The following TRIM44 variants were observed in gnomAD, a reference collection of about 807,000 sequenced individuals.
TRIM44 encodes the protein tripartite motif-containing protein 44.
Under a neutral mutation model 37.4 loss-of-function variants are expected in TRIM44, and 13 were observed. The observed-to-expected ratio is 0.35, with a 90% CI of 0.23 to 0.55. The LOEUF is 0.55. Among genes scored for constraint, TRIM44 ranks in the 20% least tolerant of loss-of-function variants. The pLI, the probability that TRIM44 is intolerant of heterozygous loss-of-function variation, is 0.89. For missense variants in TRIM44, 426 were observed against 437.2 expected, an observed-to-expected ratio of 0.97 and a Z score of 0.23; for synonymous variants, 175 against 157.2, an observed-to-expected ratio of 1.11 and a Z score of -0.85.
chr11:35,757,974 T>G (rs1042585926), intron 4 of TRIM44, among the ~76,000 whole-genome samples: 2 of 152,232 alleles, frequency 1.3e-5, no homozygotes, highest in African/African-American at 4.8e-5. Context: ...ATGTATATTC[T>G]GTTGATTTGG....
At chr11:35,778,062 G>A (rs1852998166) in intron 4 of TRIM44, among the ~76,000 whole-genome samples, 1 of 152,156 alleles carries the variant, frequency 6.6e-6, no homozygotes, top group African/African-American at 2.4e-5. Flanking sequence ...TTCCAACTTG[G>A]TTCCATTCTC....
At chr11:35,679,328 C>G (rs576965684) in intron 1 of TRIM44, among the ~76,000 whole-genome samples, 1 of 152,162 alleles carries the variant, frequency 6.6e-6, no homozygotes, top group East Asian at 1.9e-4. Flanking sequence ...CTACCCTTTA[C>G]CCATTTTTAA....
chr11:35,786,388 G>GA (rs1486516156), intron 4 of TRIM44, among the ~76,000 whole-genome samples: 2 of 152,152 alleles, frequency 1.3e-5, no homozygotes, highest in Non-Finnish European at 2.9e-5. Flanking sequence ...TTCCATCAAA[G>GA]ACTCCATTGG....
rs924081456 is a variant in TRIM44, at chr11:35,662,860, C to G, written c.-252C>G. 1.4e-4 allele frequency: 64 copies of G among 448,758 alleles called. 1 individual carries two copies. Among genetic ancestry groups the G allele is most frequent in the African/African-American group, 1.3e-3 (63 of 49,052 alleles). The allele number at this position is 448,758 out of a possible 1,614,324, so 27.8% of individuals were successfully genotyped here. On this transcript the variant is annotated 5_prime_UTR_variant, in exon 1 of 5. Transcript: ENST00000299413. ...CCGACGGGGGCGCCGGGTGGCCGCG[C>G]CGGAAGTGCCTTGCGCGGCAGAGGA... is the stretch of plus-strand genomic sequence containing the variant.
chr11:35,687,574 T>G lies in TRIM44; in HGVS notation c.747+2238T>G, dbSNP rs143053711. Among the ~76,000 whole-genome samples, 282 of 152,326 alleles carry G rather than the reference T, an allele frequency of 1.9e-3. 2 individuals carry two copies. The highest frequency in any genetic ancestry group is 6.5e-3 in the African/African-American group (271 of 41,556). On this transcript the variant is annotated intron_variant, in intron 2 of 4. Coordinates refer to ENST00000299413, the MANE Select transcript of TRIM44 (RefSeq NM_017583.6). ...ATTCCGCCAAACTTATAATTAGCAG[T>G]GCAGTGAAGAGGGAGCGGATGTGTA...
intron 4 of TRIM44, among the ~76,000 whole-genome samples, chr11:35,759,572 C>T (rs1277729217): frequency 9.2e-5 from 14 of 152,182 alleles, no homozygotes; most frequent in Admixed American, 8.5e-4. Flanking sequence ...GGATGAGAGG[C>T]GCTCTGATTT....
chr11:35,796,701 G>A (rs543212541), intron 4 of TRIM44, among the ~76,000 whole-genome samples: 2 of 152,110 alleles, frequency 1.3e-5, no homozygotes, highest in South Asian at 2.1e-4. Flanking sequence ...CAGCAGCACT[G>A]GGGGGAGGAA....
At chr11:35,737,769 G>C (rs555907020) in intron 4 of TRIM44, among the ~76,000 whole-genome samples, 2 of 152,098 alleles carry the variant, frequency 1.3e-5, no homozygotes, top group Non-Finnish European at 2.9e-5. Context: ...CTGGGAGGCA[G>C]AGGTTGCAGT....
At chr11:35,790,725 C>T (rs190903954) in intron 4 of TRIM44, among the ~76,000 whole-genome samples, 238 of 152,250 alleles carry the variant, frequency 1.6e-3, no homozygotes, top group Non-Finnish European at 2.6e-3. Context: ...CCAGGAGGGG[C>T]AGATTTCATA....
At position 35,663,553 on chromosome 11, in the gene TRIM44, G is replaced by T; in HGVS notation, c.442G>T (p.Glu148Ter). 1 of 1,613,478 alleles carries T rather than the reference G, an allele frequency of 6.2e-7. No homozygotes were observed. Among genetic ancestry groups the T allele is most frequent in the South Asian group, 1.1e-5 (1 of 90,972 alleles). Reference protein sequence around the residue: ...ESEAEEDNQEEGESEAEGETE... With the variant: ...ESEAEEDNQE ...CGAGGCCGAAGAAGACAACCAAGAA[G>T]AAGGGGAATCCGAGGCGGAGGGAGA... is the stretch of plus-strand genomic sequence containing the variant. Residue 148 changes from glutamate (E) to a stop codon, truncating the protein, a stop_gained, in exon 1 of 5, where the codon GAA (glutamate) becomes TAA (stop). Coordinates refer to ENST00000299413, the MANE Select transcript of TRIM44 (RefSeq NM_017583.6). LOFTEE classifies it high-confidence loss of function.
intron 2 of TRIM44, among the ~76,000 whole-genome samples, chr11:35,686,362 G>GTTT (rs201740615): frequency 3.9e-4 from 56 of 143,754 alleles, no homozygotes; most frequent in African/African-American, 1.3e-3. Flanking sequence ...GGTTCTTTTT[G>GTTT]TTTTTGTTTT....
chr11:35,696,136 A>ATTT (rs1197445648), intron 2 of TRIM44, among the ~76,000 whole-genome samples: 16 of 138,296 alleles, frequency 1.2e-4, no homozygotes, highest in African/African-American at 3.5e-4. Context: ...GATGAGTCAA[A>ATTT]TTTTTTTTTT....
rs1853482424 is a variant in TRIM44, at chr11:35,808,317, A to G, written c.*1932A>G. 1 of 151,896 alleles carries G rather than the reference A, an allele frequency of 6.6e-6. No individual in the cohort carries two copies. Among genetic ancestry groups the G allele is most frequent in the Non-Finnish European group, 1.5e-5 (1 of 67,990 alleles). The allele number at this position is 151,896 out of a possible 1,614,324, so 9.4% of individuals were successfully genotyped here. On this transcript the variant is annotated 3_prime_UTR_variant, in exon 5 of 5. Coordinates refer to ENST00000299413, the MANE Select transcript of TRIM44 (RefSeq NM_017583.6). Reference sequence around the variant, plus strand: ...CAAAGACTGGAGAATTTGGCATACCATTAATTACAACCACCAATCATATCC... The same window carrying G: ...CAAAGACTGGAGAATTTGGCATACCGTTAATTACAACCACCAATCATATCC...
chr11:35,791,138 G>A lies in TRIM44; in HGVS notation c.1008-15220G>A, dbSNP rs556535930. Reference sequence around the variant, plus strand: ...AGAGGGAGCCCTAGCCTCTGCTTGGGAGCAAGTGTCCATTTGCTCCAGACC... The same window carrying A: ...AGAGGGAGCCCTAGCCTCTGCTTGGAAGCAAGTGTCCATTTGCTCCAGACC... On this transcript the variant is annotated intron_variant, in intron 4 of 4. Transcript: ENST00000299413. Among the ~76,000 whole-genome samples, 4 of 152,108 alleles carry A rather than the reference G, an allele frequency of 2.6e-5. No individual in the cohort carries two copies. In the South Asian group the frequency reaches 8.3e-4, roughly 32 times the overall value.
At chr11:35,664,739 C>A (rs1851313200) in intron 1 of TRIM44, among the ~76,000 whole-genome samples, 1 of 152,150 alleles carries the variant, frequency 6.6e-6, no homozygotes, top group Admixed American at 6.5e-5. Flanking sequence ...TAAAAACTTA[C>A]AGTCTAACAA....
At chr11:35,740,776 T>C (rs1852387547) in intron 4 of TRIM44, among the ~76,000 whole-genome samples, 2 of 152,204 alleles carry the variant, frequency 1.3e-5, no homozygotes, top group East Asian at 3.8e-4. Context: ...CACTCTTTCC[T>C]CCACCTAGTT....
At chr11:35,748,576 T>G (rs951336311) in intron 4 of TRIM44, among the ~76,000 whole-genome samples, 2 of 152,218 alleles carry the variant, frequency 1.3e-5, no homozygotes, top group Non-Finnish European at 2.9e-5. Context: ...TGGGTTGTAT[T>G]TTTAAAATAG....
chr11:35,725,892 A>G, intron 2 of TRIM44, 32 bp from the exon 3 acceptor site: 1 of 1,608,516 alleles, frequency 6.2e-7, no homozygotes, highest in Non-Finnish European at 8.5e-7. Context: ...TGTATGTTCA[A>G]CTTATTCTTC....
At chr11:35,742,654 A>G (rs1194661255) in intron 4 of TRIM44, among the ~76,000 whole-genome samples, 7 of 131,330 alleles carry the variant, frequency 5.3e-5, no homozygotes, top group African/African-American at 2.1e-4. Flanking sequence ...TAATTGTATT[A>G]TATATAATTA....
Sources: gnomAD v4.1 joint callset for allele counts (sites outside exome capture counted in the v4.1 genomes callset) on GRCh38, gnomAD v4.1.1 for gene constraint, MANE v1.5 for transcripts, NCBI Gene and HGNC (gene_info 2026-07-23, HGNC 2026-07-21) for gene names.